ITGA8: variants seen among roughly 807,000 people sequenced by gnomAD.
The protein encoded by ITGA8 is integrin alpha-8.
In ITGA8, 91 loss-of-function variants were observed where a neutral mutation model predicts 142.3. The ratio of observed to expected loss-of-function variants is 0.64; its 90% CI spans 0.54 to 0.76. The LOEUF (loss-of-function observed/expected upper bound fraction) is 0.76. Ranked by LOEUF, ITGA8 falls within the 30% of genes least tolerant of loss-of-function variation. The pLI is 0.00. For missense variants in ITGA8, 1,406 were observed against 1,327.7 expected (o/e 1.06, Z -0.92); for synonymous variants, 505 against 485.2 (o/e 1.04, Z -0.54).
chr10:15,661,543 A>G (rs1056805494), intron 8 of ITGA8, among the ~76,000 whole-genome samples: 2 of 152,234 alleles, frequency 1.3e-5, no homozygotes, highest in Non-Finnish European at 1.5e-5. Context: ...TTATGTCTTC[A>G]TTACGAGTCT....
intron 24 of ITGA8, among the ~76,000 whole-genome samples, chr10:15,573,110 C>G (rs2131581881): frequency 6.6e-6 from 1 of 152,228 alleles, no homozygotes; most frequent in East Asian, 1.9e-4. Context: ...TTACAGTGAT[C>G]TATAAAACAA....
chr10:15,713,490 C>T (rs1835397589), intron 2 of ITGA8, among the ~76,000 whole-genome samples: 1 of 152,214 alleles, frequency 6.6e-6, no homozygotes, highest in African/African-American at 2.4e-5. Flanking sequence ...TAAGTCCTAT[C>T]ACATTTATGT....
At chr10:15,613,566 C>A (rs1309083337) in intron 15 of ITGA8, 94 bp downstream of exon 15, 1 of 913,732 alleles carries the variant, frequency 1.1e-6, no homozygotes. Context: ...CTAGGCCCTA[C>A]CCCAGACTTA....
chr10:15,694,078 A>G (rs1834983521), intron 2 of ITGA8, among the ~76,000 whole-genome samples: 1 of 146,770 alleles, frequency 6.8e-6, no homozygotes, highest in South Asian at 2.1e-4. Flanking sequence ...TTAAAAATCT[A>G]TCTATATTAT....
chr10:15,528,986 C>A (rs1212459476), intron 28 of ITGA8, among the ~76,000 whole-genome samples: 3 of 142,752 alleles, frequency 2.1e-5, no homozygotes, highest in Non-Finnish European at 3.0e-5. Flanking sequence ...TTCCTTCTTT[C>A]TTTCCTTCCT....
At chr10:15,706,098 G>T (rs1196038270) in intron 2 of ITGA8, among the ~76,000 whole-genome samples, 3 of 152,144 alleles carry the variant, frequency 2.0e-5, no homozygotes, top group Non-Finnish European at 4.4e-5. Flanking sequence ...TTCGACATCT[G>T]TTGGGAGGTC....
At chr10:15,676,385 T>C (rs1016056804) in intron 6 of ITGA8, among the ~76,000 whole-genome samples, 1 of 152,268 alleles carries the variant, frequency 6.6e-6, no homozygotes, top group Non-Finnish European at 1.5e-5. Context: ...CAGGTTGTAT[T>C]CCAGCTCCCT....
chr10:15,587,717 G>A (rs1832857091), intron 22 of ITGA8, among the ~76,000 whole-genome samples: 1 of 152,200 alleles, frequency 6.6e-6, no homozygotes, highest in South Asian at 2.1e-4. Context: ...CATTAAGAGT[G>A]TCTAGATAGA....
At chr10:15,669,563 A>C (rs571420138) in intron 8 of ITGA8, among the ~76,000 whole-genome samples, 1 of 152,298 alleles carries the variant, frequency 6.6e-6, no homozygotes, top group South Asian at 2.1e-4. Context: ...TGCTGGTGAG[A>C]GGCTGCGTTC....
chr10:15,702,137 C>T (rs1017670684), intron 2 of ITGA8, among the ~76,000 whole-genome samples: 6 of 151,886 alleles, frequency 4.0e-5, no homozygotes, highest in African/African-American at 1.2e-4. Flanking sequence ...TTACGATGTT[C>T]GAGAGATGTG....
At position 15,672,663 on chromosome 10, in the gene ITGA8, T is replaced by C. The variant is rs1431364300; in HGVS notation, c.763A>G (p.Thr255Ala). ...ILRKLAGEKQ[T>A]EVAPASYDDS... is the part of the protein sequence containing the mutation. ...TCATAGGAAGCTGGAGCCACTTCCG[T>C]CTGCTTTTCTCCTGCCAGTTTCCTG... The change falls in exon 7 of 30, where the codon ACG (threonine) becomes GCG (alanine). Residue 255 changes from threonine (T) to alanine (A), a missense_variant. Thr to Ala is a moderately conservative substitution (Grantham distance 58, BLOSUM62 0). Transcript: ENST00000378076. The C allele has an allele frequency of 1.2e-6, 2 of 1,613,818 alleles. No individual in the cohort carries two copies. Among genetic ancestry groups the C allele is most frequent in the African/African-American group, 2.7e-5 (2 of 74,934 alleles).
At chr10:15,591,135 T>C (rs1487737850) in intron 22 of ITGA8, among the ~76,000 whole-genome samples, 2 of 152,166 alleles carry the variant, frequency 1.3e-5, no homozygotes, top group Non-Finnish European at 2.9e-5. Flanking sequence ...TTGCAAGATA[T>C]TAAGATAAAC....
intron 26 of ITGA8, among the ~76,000 whole-genome samples, chr10:15,549,973 T>G (rs1219269815): frequency 2.6e-5 from 4 of 152,294 alleles, no homozygotes; most frequent in South Asian, 4.1e-4. Flanking sequence ...GCTGATGTTG[T>G]TTGGCTATGT....
At chr10:15,551,829 AG>A (rs1293784417) in intron 26 of ITGA8, among the ~76,000 whole-genome samples, 1 of 152,170 alleles carries the variant, frequency 6.6e-6, no homozygotes, top group Non-Finnish European at 1.5e-5. Flanking sequence ...TCCAGGACAT[AG>A]GGGGTCATAA....
At position 15,613,158 on chromosome 10, in the gene ITGA8, C is replaced by CTAAA. The variant is rs1457616602; in HGVS notation, c.1553+501_1553+502insTTTA. On this transcript the variant is annotated intron_variant, in intron 15 of 29. Coordinates refer to ENST00000378076, the MANE Select transcript of ITGA8 (RefSeq NM_003638.3). ...CCTGGGTGACAAAGCAAGACTCCAT[C>CTAAA]TCAATAAATAAAAAATAAATAAATA... Among the ~76,000 whole-genome samples the CTAAA allele has an allele frequency of 7.2e-5, 5 of 68,996 alleles. No individual in the cohort carries two copies. In the East Asian group the frequency reaches 2.2e-3, roughly 31 times the overall value. The allele number at this position is 68,996 out of a possible 152,430, so 45.3% of individuals were successfully genotyped here. A position where few individuals can be genotyped will look rare whatever the true frequency, so the allele number is the denominator to read the frequency against.
chr10:15,683,185 A>G (rs895021712), intron 4 of ITGA8, among the ~76,000 whole-genome samples: 8 of 152,254 alleles, frequency 5.3e-5, no homozygotes, highest in African/African-American at 1.9e-4. Context: ...ATCCATAGGT[A>G]TCTTATCAAC....
intron 7 of ITGA8, among the ~76,000 whole-genome samples, chr10:15,671,879 CAAAAA>C (rs34588118): frequency 3.2e-3 from 256 of 79,720 alleles, no homozygotes; most frequent in African/African-American, 0.012. Flanking sequence ...AGGAGCAAAG[CAAAAA>C]AAAAAAAAAA....
intron 26 of ITGA8, among the ~76,000 whole-genome samples, chr10:15,553,679 C>G (rs1833834032): frequency 2.6e-5 from 4 of 152,078 alleles, no homozygotes; most frequent in African/African-American, 7.2e-5. Context: ...TCCTAATATC[C>G]TCTTTGAGGG....
intron 29 of ITGA8, among the ~76,000 whole-genome samples, chr10:15,518,211 C>G (rs573837679): frequency 1.2e-4 from 19 of 152,302 alleles, no homozygotes; most frequent in African/African-American, 4.6e-4. Flanking sequence ...ACACCTGGAA[C>G]CTCAATTCTT....
Sources: gnomAD v4.1 joint callset for allele counts (sites outside exome capture counted in the v4.1 genomes callset) on GRCh38, gnomAD v4.1.1 for gene constraint, MANE v1.5 for transcripts, NCBI Gene and HGNC (gene_info 2026-07-23, HGNC 2026-07-21) for gene names.